PFKL: variants seen among roughly 807,000 people sequenced by gnomAD.
PFKL encodes ATP-dependent 6-phosphofructokinase, liver type.
In PFKL, 74 loss-of-function variants were observed where a neutral mutation model predicts 92.1. The observed-to-expected ratio is 0.80, with a 90% CI of 0.67 to 0.97. PFKL has a LOEUF of 0.97. PFKL is among the 50% of genes least tolerant of loss of function. The probability of loss-of-function intolerance (pLI) is 0.00; values close to 1 mark genes in which losing one functional copy is unlikely to be tolerated. For synonymous variants in PFKL, 494 were observed against 456.4 expected, an observed-to-expected ratio of 1.08 and a Z score of -1.05; for missense variants, 1,028 against 1,116.6, an observed-to-expected ratio of 0.92 and a Z score of 1.13.
chr21:44,307,812 G>A (rs940371167), intron 2 of PFKL, among the ~76,000 whole-genome samples: 2 of 152,214 alleles, frequency 1.3e-5, no homozygotes, highest in Middle Eastern at 3.2e-3. Flanking sequence ...GCTGGGCTGT[G>A]TCCGTACAAA....
chr21:44,318,323 G>A (rs2047264123), intron 9 of PFKL, 147 bp from the exon 10 acceptor site: 10 of 806,478 alleles, frequency 1.2e-5, no homozygotes, highest in Non-Finnish European at 1.8e-5. Context: ...GGTCAGACAC[G>A]TTTCCATCTC....
intron 21 of PFKL, 117 bp downstream of exon 21, chr21:44,326,381 G>C (rs1348026668): frequency 2.6e-6 from 2 of 772,380 alleles, no homozygotes; most frequent in African/African-American, 3.5e-5. Flanking sequence ...AAGGCCTCCT[G>C]GGCCCCCATG....
At chr21:44,318,747 G>A (rs1236368897) in intron 10 of PFKL, 152 bp downstream of exon 10, 1 of 545,546 alleles carries the variant, frequency 1.8e-6, no homozygotes, top group African/African-American at 2.0e-5. Context: ...TCCAGGGAGG[G>A]GAGGGATGTG....
At position 44,324,471 on chromosome 21, in the gene PFKL, G is replaced by A. The variant is rs775189279; in HGVS notation, c.1651-20G>A. 2.8e-5 allele frequency: 45 copies of A among 1,611,782 alleles called. No individual in the cohort carries two copies. The highest frequency in any genetic ancestry group is 3.3e-4 in the Middle Eastern group (2 of 6,072). On this transcript the variant is annotated intron_variant, in intron 16 of 21. Coordinates refer to ENST00000349048, the MANE Select transcript of PFKL (RefSeq NM_002626.6). ...AAGGGTGGGCACGTGGAGGACCCCC[G>A]ACCCCCCCTTGTCCCCCAGAGCTGT...
At chr21:44,303,441 A>AAAAAAAGCCTTGATCG (rs1555874959) in intron 1 of PFKL, among the ~76,000 whole-genome samples, 2 of 97,134 alleles carry the variant, frequency 2.1e-5, no homozygotes, top group Non-Finnish European at 3.8e-5. Context: ...ACCAAAAAAA[A>AAAAAAAGCCTTGATCG]AAAAAAAAAA....
At position 44,300,258 on chromosome 21, in the gene PFKL, A is replaced by C. The variant is rs1216923163; in HGVS notation, c.85+68A>C. ...GGCGCCTCCGCCCTGGCCTCTCCGGAGCGCCCGCCGAGCCCCGGGACCCGG... is the reference window on the plus strand; with the variant it reads ...GGCGCCTCCGCCCTGGCCTCTCCGGCGCGCCCGCCGAGCCCCGGGACCCGG... On this transcript the variant is annotated intron_variant, in intron 1 of 21. Coordinates refer to ENST00000349048, the MANE Select transcript of PFKL (RefSeq NM_002626.6). 9 of 770,428 alleles carry C rather than the reference A, an allele frequency of 1.2e-5. No homozygotes were observed. The South Asian group carries it at 4.6e-4, about 39-fold the overall frequency. The allele number at this position is 770,428 out of a possible 1,614,324, so 47.7% of individuals were successfully genotyped here. A position where few individuals can be genotyped will look rare whatever the true frequency, so the allele number is the denominator to read the frequency against.
intron 12 of PFKL, 157 bp downstream of exon 12, chr21:44,320,304 C>A: frequency 1.8e-6 from 1 of 565,056 alleles, no homozygotes; most frequent in Non-Finnish European, 3.1e-6. Context: ...TCTGCCTGGG[C>A]TCAGGCACCA....
chr21:44,313,985 C>T lies in PFKL; in HGVS notation c.711C>T (p.Asp237=), dbSNP rs987557651. Residue 237 remains aspartate (D), a synonymous_variant, in exon 7 of 22, where the codon GAC becomes GAT. Coordinates refer to ENST00000349048, the MANE Select transcript of PFKL (RefSeq NM_002626.6). ...WLFIPEAPPE[D]GWENFMCERL... ...TCATCCCCGAGGCTCCACCCGAGGA[C>T]GGCTGGGAGAACTTCATGTGTGAGA... 20 of 1,607,508 alleles carry T rather than the reference C, an allele frequency of 1.2e-5. No homozygotes were observed. Among genetic ancestry groups the T allele is most frequent in the South Asian group, 2.2e-5 (2 of 89,846 alleles).
intron 1 of PFKL, among the ~76,000 whole-genome samples, chr21:44,304,121 T>A (rs1201326906): frequency 6.6e-6 from 1 of 151,808 alleles, no homozygotes; most frequent in Non-Finnish European, 1.5e-5. Context: ...CACTTTGTTC[T>A]CCTCCCAAGG....
At chr21:44,308,913 G>C (rs1228214908) in intron 2 of PFKL, among the ~76,000 whole-genome samples, 2 of 152,110 alleles carry the variant, frequency 1.3e-5, no homozygotes, top group Non-Finnish European at 2.9e-5. Flanking sequence ...TGTTAGCCCT[G>C]GTGACCACCT....
chr21:44,303,867 C>A (rs913604910), intron 1 of PFKL, among the ~76,000 whole-genome samples: 3 of 152,132 alleles, frequency 2.0e-5, no homozygotes, highest in African/African-American at 7.2e-5. Flanking sequence ...GCGGCAGGCC[C>A]ACTGTCCTGC....
chr21:44,324,194 AAG>A (rs1286259874), intron 16 of PFKL, among the ~76,000 whole-genome samples: 1 of 152,106 alleles, frequency 6.6e-6, no homozygotes, highest in Admixed American at 6.5e-5. Flanking sequence ...TGGGTAGTCT[AAG>A]AGCAGCGCCT....
In PFKL at chr21:44,323,764, A is replaced by G; in HGVS notation, c.1498-2A>G. On this transcript the variant is annotated splice_acceptor_variant, in intron 15 of 21. Coordinates refer to ENST00000349048, the MANE Select transcript of PFKL (RefSeq NM_002626.6). LOFTEE classifies it high-confidence loss of function. ...TGACCTGCCCCGTCCCTACTGCTGC[A>G]GGCCTATGAAGGGGTGCTGCAGCTG... The G allele has an allele frequency of 1.2e-6, 2 of 1,611,202 alleles. No individual in the cohort carries two copies.
intron 2 of PFKL, among the ~76,000 whole-genome samples, chr21:44,308,017 C>T (rs2041002133): frequency 6.6e-6 from 1 of 152,202 alleles, no homozygotes; most frequent in African/African-American, 2.4e-5. Flanking sequence ...AGAGTCCTGG[C>T]TTCTGCAGAG....
chr21:44,305,922 G>C, intron 1 of PFKL: 1 of 1,362,620 alleles, frequency 7.3e-7, no homozygotes, highest in Non-Finnish European at 9.8e-7. Context: ...CCAGCATCAT[G>C]TCCAGGCTGG....
intron 1 of PFKL, chr21:44,305,350 G>T (rs780369755): frequency 7.3e-7 from 1 of 1,365,980 alleles, no homozygotes; most frequent in South Asian, 1.1e-5. Flanking sequence ...GGTAGAGGTC[G>T]AGAGTCCTCT....
rs748942079 is a variant in PFKL at position 44,313,950 on chromosome 21, G to A, written c.676G>A (p.Asp226Asn). 23 of 1,606,348 alleles carry A rather than the reference G, an allele frequency of 1.4e-5. No homozygotes were observed. In the East Asian group the frequency reaches 2.0e-4, roughly 14 times the overall value. ...ALVSALASGA[D>N]WLFIPEAPPE... ...GGTATCTGCACTGGCCTCAGGGGCC[G>A]ACTGGCTGTTCATCCCCGAGGCTCC... is the stretch of plus-strand genomic sequence containing the variant. Residue 226 changes from aspartate (D) to asparagine (N), a missense_variant, in exon 7 of 22, where the codon GAC becomes AAC. Transcript: ENST00000349048.
At chr21:44,303,454 A>AAG in intron 1 of PFKL, among the ~76,000 whole-genome samples, 1 of 135,826 alleles carries the variant, frequency 7.4e-6, no homozygotes, top group Non-Finnish European at 1.6e-5. Flanking sequence ...AAAAAAAAAA[A>AAG]ATGGCCCGGC....
In PFKL at chr21:44,318,526, G is replaced by T. The variant is rs1476332161; in HGVS notation, c.993G>T (p.Thr331=). ...CGCTGCTGGAAGCCACGCCTGACAC[G>T]CCGGCCTGCGTGGTCACCCTCTCGG... The part of the protein sequence containing the change: ...VMALLEATPD[T]PACVVTLSGN... The change falls in exon 10 of 22, where the codon ACG becomes ACT. Residue 331 remains threonine (T), a synonymous_variant. Coordinates refer to ENST00000349048, the MANE Select transcript of PFKL (RefSeq NM_002626.6). 1.8e-5 allele frequency: 29 copies of T among 1,577,672 alleles called. No individual in the cohort carries two copies. The highest frequency in any genetic ancestry group is 2.4e-5 in the Non-Finnish European group (28 of 1,156,478).
Sources: gnomAD v4.1 joint callset for allele counts (sites outside exome capture counted in the v4.1 genomes callset) on GRCh38, gnomAD v4.1.1 for gene constraint, MANE v1.5 for transcripts, NCBI Gene and HGNC (gene_info 2026-07-23, HGNC 2026-07-21) for gene names.